TRPV3: variants seen among roughly 807,000 people sequenced by gnomAD.
TRPV3 encodes VRL-3.
TRPV3 carries 88 observed loss-of-function variants against 87.1 expected under a neutral mutation model. The observed-to-expected ratio is 1.01, with a 90% confidence interval of 0.85 to 1.21. The LOEUF (loss-of-function observed/expected upper bound fraction) is 1.21, where lower values mean the gene tolerates loss of function less well. Among genes scored for constraint, TRPV3 ranks in the 50% most tolerant of loss-of-function variants. The probability of loss-of-function intolerance (pLI) is 0.00; values close to 1 mark genes in which losing one functional copy is unlikely to be tolerated. For synonymous variants in TRPV3, 438 were observed against 423.3 expected (o/e 1.03, Z -0.43); for missense variants, 1,054 against 1,030.1 (o/e 1.02, Z -0.32).
chr17:3,549,629 A>T (rs1342603749), intron 2 of TRPV3, among the ~76,000 whole-genome samples: 2 of 152,174 alleles, frequency 1.3e-5, no homozygotes, highest in East Asian at 3.8e-4. Flanking sequence ...TGGAGAGATG[A>T]TAGAATGAGG....
chr17:3,554,541 C>G lies in TRPV3; in HGVS notation c.119+191G>C, dbSNP rs531408235. 2.3e-5 allele frequency: 12 copies of G among 532,926 alleles called. No homozygotes were observed. In the Admixed American group the frequency reaches 3.2e-4, roughly 14 times the overall value. 33.0% of individuals were successfully genotyped at this position (532,926 alleles called of 1,614,324 possible). ...GTGCCAGTCACACTGACTACCCCAG[C>G]TCAGCCCCCTGAGTGTGCTGTGCTC... On this transcript the variant is annotated intron_variant, in intron 2 of 17. Transcript: ENST00000576742.
At chr17:3,531,553 A>T (rs547924263) in intron 8 of TRPV3, among the ~76,000 whole-genome samples, 1 of 152,286 alleles carries the variant, frequency 6.6e-6, no homozygotes, top group East Asian at 1.9e-4. Context: ...CACAGCGGGC[A>T]CACTGTCCCC....
At chr17:3,519,460 A>AGATGGATTGATGGATAGATGATTG (rs2074216701) in intron 14 of TRPV3, among the ~76,000 whole-genome samples, 1 of 40,018 alleles carries the variant, frequency 2.5e-5, no homozygotes, top group Non-Finnish European at 4.7e-5. Context: ...ATAGATGATT[A>AGATGGATTGATGGATAGATGATTG]GATGGATGGA....
rs548747481 is a variant in TRPV3, at chr17:3,515,805, TA to T, written c.2198+651del. Reference sequence around the variant, plus strand: ...CGGGGTCACAGGAACTCACACAGGGTAAACAGCAGGAAAAGGAGTACCCAGC... The same window carrying T: ...CGGGGTCACAGGAACTCACACAGGGTAACAGCAGGAAAAGGAGTACCCAGC... On this transcript the variant is annotated intron_variant, in intron 16 of 17. Transcript: ENST00000576742. Among the ~76,000 whole-genome samples, 36 of 151,484 alleles carry T rather than the reference TA, an allele frequency of 2.4e-4. No homozygotes were observed. The East Asian group carries it at 6.8e-3, about 28-fold the overall frequency.
In TRPV3 at chr17:3,540,060, AAAATAAATAAAT is replaced by A. The variant is rs369472913; in HGVS notation, c.643+2450_643+2461del. 2.2e-4 allele frequency among the ~76,000 whole-genome samples: 32 copies of A among 145,640 alleles called. No homozygotes were observed. The East Asian group carries it at 4.1e-3, about 18-fold the overall frequency. ...GTGACACAGCGGAACTCCATCTCAA[AAAATAAATAAAT>A]AAATAAATAAATAAATAAATAAACA... On this transcript the variant is annotated intron_variant, in intron 6 of 17. Coordinates refer to ENST00000576742, the MANE Select transcript of TRPV3 (RefSeq NM_145068.4).
chr17:3,542,937 C>T (rs920230897), intron 5 of TRPV3, among the ~76,000 whole-genome samples: 3 of 152,022 alleles, frequency 2.0e-5, no homozygotes, highest in Non-Finnish European at 4.4e-5. Context: ...GCTCTTTGCC[C>T]ACTGTATGGC....
intron 13 of TRPV3, among the ~76,000 whole-genome samples, chr17:3,523,023 A>AG (rs1180959756): frequency 6.6e-6 from 1 of 152,074 alleles, no homozygotes; most frequent in Non-Finnish European, 1.5e-5. Flanking sequence ...CCCAAGAATA[A>AG]GGGGGGACTA....
At chr17:3,553,465 C>T (rs547878317) in intron 2 of TRPV3, 1 of 152,868 alleles carries the variant, frequency 6.5e-6, no homozygotes, top group Non-Finnish European at 1.5e-5. Flanking sequence ...ACTCGCCTCC[C>T]CAAAGACTCC....
intron 14 of TRPV3, among the ~76,000 whole-genome samples, chr17:3,520,133 G>A (rs2074233764): frequency 6.6e-6 from 1 of 152,096 alleles, no homozygotes; most frequent in South Asian, 2.1e-4. Context: ...CCAGACAGAT[G>A]GAAACAGCTA....
Position 3,521,279 on chromosome 17 carries a change from T to A in TRPV3, c.1744-240A>T, listed in dbSNP as rs28750238. ...GTTCTCTTCTCCCTGTGATTCACCC[T>A]GTACCTTTCACCATAGGGTCTCACA... On this transcript the variant is annotated intron_variant, in intron 13 of 17. Transcript: ENST00000576742. Among the ~76,000 whole-genome samples the A allele has an allele frequency of 9.2e-3, 1,401 of 152,258 alleles. 12 individuals are homozygous for A. Among genetic ancestry groups the A allele is most frequent in the African/African-American group, 0.032 (1,350 of 41,558 alleles).
intron 7 of TRPV3, 52 bp from the exon 8 acceptor site, chr17:3,532,989 T>TC (rs769487951): frequency 3.1e-6 from 5 of 1,595,304 alleles, no homozygotes; most frequent in Non-Finnish European, 4.3e-6. Context: ...GGAAGCAGCG[T>TC]CCCCCAAGCC....
chr17:3,526,392 C>T (rs2135868), intron 12 of TRPV3, among the ~76,000 whole-genome samples: 30,792 of 151,740 alleles, frequency 0.2, 3,825 homozygotes, highest in East Asian at 0.51. Flanking sequence ...GCAGGAGAAT[C>T]GCTTGAACCT....
Position 3,535,558 on chromosome 17 carries a change from G to A in TRPV3, c.784+15C>T, listed in dbSNP as rs975007820. 2.5e-6 allele frequency: 4 copies of A among 1,570,086 alleles called. No individual in the cohort carries two copies. Among genetic ancestry groups the A allele is most frequent in the Non-Finnish European group, 3.5e-6 (4 of 1,157,474 alleles). On this transcript the variant is annotated intron_variant, in intron 7 of 17. Transcript: ENST00000576742. ...CCTCCTCCCAGACTCCGCACCGGGC[G>A]GGGGCGGCACCCACCGAAGTAGAAG...
At chr17:3,551,323 C>G (rs527901427) in intron 2 of TRPV3, among the ~76,000 whole-genome samples, 10 of 152,134 alleles carry the variant, frequency 6.6e-5, no homozygotes, top group African/African-American at 2.4e-4. Context: ...GTCCTGCGCC[C>G]GCCCTACTGG....
chr17:3,530,636 C>A lies in TRPV3; in HGVS notation c.1066-433G>T, dbSNP rs1391817463. Among the ~76,000 whole-genome samples the A allele has an allele frequency of 6.6e-6, 1 of 152,196 alleles. No individual in the cohort carries two copies. The highest frequency in any genetic ancestry group is 1.5e-5 in the Non-Finnish European group (1 of 68,034). ...TAAGCCAAGACTCCTCCAGCTGTGG[C>A]TCACCACTCTGGCCAGGCAGGTGGT... On this transcript the variant is annotated intron_variant, in intron 8 of 17. Coordinates refer to ENST00000576742, the MANE Select transcript of TRPV3 (RefSeq NM_145068.4). The surrounding 1 kb of genome is among the most constrained non-coding windows in gnomAD (Gnocchi z 4.0).
chr17:3,549,967 T>C (rs570737893), intron 2 of TRPV3, among the ~76,000 whole-genome samples: 1 of 150,110 alleles, frequency 6.7e-6, no homozygotes, highest in Admixed American at 6.6e-5. Context: ...GGATGGATGA[T>C]AGGTAGATGA....
At chr17:3,522,883 A>ATTGT in intron 13 of TRPV3, among the ~76,000 whole-genome samples, 1 of 152,236 alleles carries the variant, frequency 6.6e-6, no homozygotes, top group East Asian at 1.9e-4. Context: ...AATTTACAAT[A>ATTGT]AACTGTATTG....
chr17:3,529,183 G>C (rs2074327161), intron 9 of TRPV3, among the ~76,000 whole-genome samples, 188 bp from the exon 10 acceptor site: 1 of 152,088 alleles, frequency 6.6e-6, no homozygotes, highest in Non-Finnish European at 1.5e-5. Context: ...AGGGTACTAG[G>C]GCAGCAGTCA....
intron 11 of TRPV3, chr17:3,527,713 G>A: frequency 4.9e-6 from 2 of 407,560 alleles, no homozygotes; most frequent in Non-Finnish European, 9.1e-6. Flanking sequence ...ATGAATGAGT[G>A]GCTGGGTCCA....
Sources: gnomAD v4.1 joint callset for allele counts (sites outside exome capture counted in the v4.1 genomes callset) on GRCh38, gnomAD v4.1.1 for gene constraint, Gnocchi (gnomAD v3.1) non-coding constraint, MANE v1.5 for transcripts, NCBI Gene and HGNC (gene_info 2026-07-23, HGNC 2026-07-21) for gene names.